The following TBXA2R variants were observed in gnomAD, a reference collection of about 807,000 sequenced individuals.
The protein encoded by TBXA2R is prostanoid TP receptor.
TBXA2R carries 15 observed loss-of-function variants against 15.6 expected under a neutral mutation model. That is an observed-to-expected ratio of 0.96 (90% CI 0.64 to 1.48). The LOEUF (loss-of-function observed/expected upper bound fraction) is 1.48. Among genes scored for constraint, TBXA2R ranks in the 40% most tolerant of loss-of-function variants. The pLI is 0.00. For synonymous variants in TBXA2R, 280 were observed against 241.2 expected (o/e 1.16, Z -1.49); for missense variants, 506 against 491.4 (o/e 1.03, Z -0.28).
intron 2 of TBXA2R, 39 bp downstream of exon 2, chr19:3,599,810 G>C: frequency 6.5e-7 from 1 of 1,548,602 alleles, no homozygotes; most frequent in Non-Finnish European, 8.7e-7. Flanking sequence ...CAGAGGTCCA[G>C]TCAGGAGGGT....
rs774470557 is a variant in TBXA2R at position 3,595,686 on chromosome 19, T to G, written c.*2A>C. 6.3e-7 allele frequency: 1 copy of G among 1,581,142 alleles called. No individual in the cohort carries two copies. Among genetic ancestry groups the G allele is most frequent in the African/African-American group, 1.3e-5 (1 of 74,580 alleles). ...GCGCGGGAGGGGCGCTCTGTCCACTTCCTACTGCAGCCCGGAGCGCTGCGT... is the reference window on the plus strand; with the variant it reads ...GCGCGGGAGGGGCGCTCTGTCCACTGCCTACTGCAGCCCGGAGCGCTGCGT... On this transcript the variant is annotated 3_prime_UTR_variant, in exon 3 of 3. Coordinates refer to ENST00000375190, the MANE Select transcript of TBXA2R (RefSeq NM_001060.6).
At chr19:3,599,764 G>C in intron 2 of TBXA2R, 85 bp downstream of exon 2, 1 of 1,539,608 alleles carries the variant, frequency 6.5e-7, no homozygotes, top group South Asian at 1.2e-5. Flanking sequence ...ACCGCGCCCG[G>C]TCCCACCATC....
intron 1 of TBXA2R, among the ~76,000 whole-genome samples, chr19:3,601,533 AAACC>A (rs1568284807): frequency 6.6e-6 from 1 of 151,824 alleles, no homozygotes. Flanking sequence ...AAAAAAAAAA[AAACC>A]AACCAACCAA....
chr19:3,603,877 C>T lies in TBXA2R; in HGVS notation c.-84+2653G>A, dbSNP rs532382559. 7.2e-5 allele frequency among the ~76,000 whole-genome samples: 11 copies of T among 152,256 alleles called. No homozygotes were observed. The South Asian group carries it at 2.1e-3, about 29-fold the overall frequency. ...CAATGGGGGGACCGGGCAGGGCCTC[C>T]CTTCCCTCCTGCATTGGCCAGGAGG... On this transcript the variant is annotated intron_variant, in intron 1 of 2. Coordinates refer to ENST00000375190, the MANE Select transcript of TBXA2R (RefSeq NM_001060.6).
intron 1 of TBXA2R, among the ~76,000 whole-genome samples, chr19:3,603,968 C>A (rs1422629411): frequency 6.6e-6 from 1 of 152,198 alleles, no homozygotes; most frequent in Non-Finnish European, 1.5e-5. Flanking sequence ...AAATTACTGT[C>A]CCTCCCTGTG....
chr19:3,606,140 C>A lies in TBXA2R; in HGVS notation c.-84+390G>T, dbSNP rs578104134. Reference sequence around the variant, plus strand: ...ACACAGACACACAACCAGGGCCATGCATGGTTCACTCCCAGAGACAAGATC... The same window carrying A: ...ACACAGACACACAACCAGGGCCATGAATGGTTCACTCCCAGAGACAAGATC... On this transcript the variant is annotated intron_variant, in intron 1 of 2. Coordinates refer to ENST00000375190, the MANE Select transcript of TBXA2R (RefSeq NM_001060.6). Among the ~76,000 whole-genome samples, 283 of 152,308 alleles carry A rather than the reference C, an allele frequency of 1.9e-3. 2 individuals are homozygous for A. Among genetic ancestry groups the A allele is most frequent in the African/African-American group, 6.5e-3 (272 of 41,576 alleles).
chr19:3,603,088 C>T (rs544489627), intron 1 of TBXA2R, among the ~76,000 whole-genome samples: 4 of 151,742 alleles, frequency 2.6e-5, no homozygotes, highest in East Asian at 1.9e-4. Flanking sequence ...GGGATCCACG[C>T]GCAGCACTCA....
Position 3,595,191 on chromosome 19 carries a change from C to T in TBXA2R, c.*497G>A. Reference sequence around the variant, plus strand: ...GTCAGGAGTTCAAGACCAGCCTGGCCAACACGGTGAAACCCCGTCTCTACT... The same window carrying T: ...GTCAGGAGTTCAAGACCAGCCTGGCTAACACGGTGAAACCCCGTCTCTACT... On this transcript the variant is annotated 3_prime_UTR_variant, in exon 3 of 3. Coordinates refer to ENST00000375190, the MANE Select transcript of TBXA2R (RefSeq NM_001060.6). 1 of 626,314 alleles carries T rather than the reference C, an allele frequency of 1.6e-6. No homozygotes were observed. Among genetic ancestry groups the T allele is most frequent in the Non-Finnish European group, 2.6e-6 (1 of 389,018 alleles). The allele number at this position is 626,314 out of a possible 1,614,324, so 38.8% of individuals were successfully genotyped here. A position where few individuals can be genotyped will look rare whatever the true frequency, so the allele number is the denominator to read the frequency against.
At chr19:3,596,261 C>T (rs2032603072) in intron 2 of TBXA2R, among the ~76,000 whole-genome samples, 1 of 152,132 alleles carries the variant, frequency 6.6e-6, no homozygotes, top group South Asian at 2.1e-4. Context: ...AACTCCTGAC[C>T]TCAGGTGATC....
rs777537495 is a variant in TBXA2R, at chr19:3,595,723, G to A, written c.997C>T (p.Gln333Ter). Residue 333 changes from glutamine to a stop codon, truncating the protein, a stop_gained, in exon 3 of 3, where the codon CAG becomes TAG. Coordinates refer to ENST00000375190, the MANE Select transcript of TBXA2R (RefSeq NM_001060.6). LOFTEE classifies it low-confidence loss of function (END_TRUNC). ...CCGGAGCGCTGCGTGAGCTGGGGCT[G>A]GAGGGACAGCGACCTGGGCCGGGTG... The part of the protein sequence containing the change: ...LSTRPRSLSL[Q>*]PQLTQRSGLQ The A allele has an allele frequency of 2.8e-5, 44 of 1,599,864 alleles. No homozygotes were observed. In the Middle Eastern group the frequency reaches 2.1e-3, roughly 78 times the overall value.
intron 1 of TBXA2R, among the ~76,000 whole-genome samples, chr19:3,606,192 G>A (rs947845746): frequency 2.0e-5 from 3 of 152,092 alleles, no homozygotes; most frequent in Non-Finnish European, 2.9e-5. Flanking sequence ...AACCACACTC[G>A]ATCCCTGCCA....
In TBXA2R at chr19:3,600,425, G is replaced by A. The variant is rs1462822471; in HGVS notation, c.210C>T (p.Leu70=). ...GCAGCCCCAGGAAGTCGGTGAGGACGAGGCCGCAGAGGAAGGTGAGGAAGG... is the reference window on the plus strand; with the variant it reads ...GCAGCCCCAGGAAGTCGGTGAGGACAAGGCCGCAGAGGAAGGTGAGGAAGG... ...RSSFLTFLCG[L]VLTDFLGLLV... The change falls in exon 2 of 3, where the codon CTC becomes CTT. Residue 70 remains leucine, a synonymous_variant. Coordinates refer to ENST00000375190, the MANE Select transcript of TBXA2R (RefSeq NM_001060.6). The A allele has an allele frequency of 6.2e-7, 1 of 1,613,292 alleles. No homozygotes were observed.
rs1335582140 is a variant in TBXA2R, at chr19:3,600,658, G to A, written c.-24C>T. 2.5e-6 allele frequency: 4 copies of A among 1,609,864 alleles called. No homozygotes were observed. In the African/African-American group the frequency reaches 5.3e-5, roughly 22 times the overall value. On this transcript the variant is annotated 5_prime_UTR_variant, in exon 2 of 3. Coordinates refer to ENST00000375190, the MANE Select transcript of TBXA2R (RefSeq NM_001060.6). Reference sequence around the variant, plus strand: ...ATGGCTCCGGAGCCCTGAGGGATCAGTCACCACCCCATCAGGCCGATGCTG... The same window carrying A: ...ATGGCTCCGGAGCCCTGAGGGATCAATCACCACCCCATCAGGCCGATGCTG...
intron 1 of TBXA2R, among the ~76,000 whole-genome samples, chr19:3,604,600 TC>T (rs1251138142): frequency 4.3e-5 from 6 of 138,202 alleles, no homozygotes; most frequent in African/African-American, 1.1e-4. Context: ...CCACCCCACC[TC>T]CCCCAGACAG....
intron 2 of TBXA2R, among the ~76,000 whole-genome samples, chr19:3,597,271 TTAAAA>T (rs1291300882): frequency 6.6e-6 from 1 of 151,288 alleles, no homozygotes; most frequent in African/African-American, 2.4e-5. Context: ...TTAAAAATAT[TTAAAA>T]TAAGAATGTT....
chr19:3,601,471 G>T (rs1297856154), intron 1 of TBXA2R, among the ~76,000 whole-genome samples: 1 of 151,410 alleles, frequency 6.6e-6, no homozygotes, highest in Non-Finnish European at 1.5e-5. Context: ...GCTGCAGTGA[G>T]CTACAATTGT....
rs748483576 is a variant in TBXA2R at position 3,600,644 on chromosome 19, G to T, written c.-10C>A. 26 of 1,611,460 alleles carry T rather than the reference G, an allele frequency of 1.6e-5. No homozygotes were observed. Among genetic ancestry groups the T allele is most frequent in the Non-Finnish European group, 2.2e-5 (26 of 1,179,352 alleles). ...TGCCGTTGGGCCACATGGCTCCGGA[G>T]CCCTGAGGGATCAGTCACCACCCCA... is the stretch of plus-strand genomic sequence containing the variant. On this transcript the variant is annotated 5_prime_UTR_variant, in exon 2 of 3. Transcript: ENST00000375190.
intron 1 of TBXA2R, among the ~76,000 whole-genome samples, chr19:3,604,845 CT>C (rs2145300273): frequency 6.6e-6 from 1 of 152,326 alleles, no homozygotes; most frequent in South Asian, 2.1e-4. Context: ...CGTGTCACCC[CT>C]GTCGGCCTTG....
chr19:3,603,230 G>A (rs746631164), intron 1 of TBXA2R, among the ~76,000 whole-genome samples: 3 of 152,206 alleles, frequency 2.0e-5, no homozygotes, highest in African/African-American at 7.2e-5. Flanking sequence ...CACTTGTGAC[G>A]CTTTGGCCTG....
Sources: gnomAD v4.1 joint callset for allele counts (sites outside exome capture counted in the v4.1 genomes callset) on GRCh38, gnomAD v4.1.1 for gene constraint, MANE v1.5 for transcripts, NCBI Gene and HGNC (gene_info 2026-07-23, HGNC 2026-07-21) for gene names.